The following HECTD4 variants were observed in gnomAD, a reference collection of about 807,000 sequenced individuals.
HECTD4 encodes the protein HECT domain E3 ubiquitin protein ligase 4, also known as probable E3 ubiquitin-protein ligase HECTD4.
HECTD4 carries 114 observed loss-of-function variants against 471.5 expected under a neutral mutation model. The observed-to-expected ratio is 0.24, with a 90% CI of 0.21 to 0.28. The LOEUF is 0.28. Ranked by LOEUF, HECTD4 falls within the 10% of genes least tolerant of loss-of-function variation. The pLI is 1.00. For synonymous variants in HECTD4, 2,012 were observed against 2,256.0 expected (o/e 0.89, Z 3.07); for missense variants, 3,866 against 5,651.5 (o/e 0.68, Z 10.13).
rs372362542 is a variant in HECTD4, at chr12:112,283,098, A to G, written c.1528+12T>C. ...ACAAGGAAACAGATCTGGGAAGCAC[A>G]GAGTAACATACCTGCTTGATCCTCT... On this transcript the variant is annotated intron_variant, in intron 8 of 75. Transcript: ENST00000682272. The G allele has an allele frequency of 6.2e-6, 10 of 1,607,004 alleles. No individual in the cohort carries two copies. The highest frequency in any genetic ancestry group is 8.5e-6 in the Non-Finnish European group (10 of 1,175,678).
At chr12:112,314,680 G>A in intron 2 of HECTD4, 134 bp from the exon 3 acceptor site, 1 of 606,600 alleles carries the variant, frequency 1.6e-6, no homozygotes, top group Middle Eastern at 4.2e-4. Flanking sequence ...CAGATGATGT[G>A]TTGTAAAAAA....
At chr12:112,219,640 C>A in intron 44 of HECTD4, 151 bp from the exon 45 acceptor site, 1 of 529,852 alleles carries the variant, frequency 1.9e-6, no homozygotes, top group African/African-American at 2.0e-5. Flanking sequence ...CGTTCTATTG[C>A]CCAGGCTGGA....
chr12:112,252,286 T>C (rs916861215), intron 23 of HECTD4, 138 bp downstream of exon 23: 11 of 793,774 alleles, frequency 1.4e-5, no homozygotes, highest in Non-Finnish European at 1.9e-5. Flanking sequence ...CTGCTAGTAG[T>C]TGACTAGTGC....
chr12:112,298,654 C>T (rs1429844708), intron 7 of HECTD4, among the ~76,000 whole-genome samples: 5 of 151,426 alleles, frequency 3.3e-5, no homozygotes, highest in East Asian at 1.9e-4. Context: ...AGGTCAAGCC[C>T]GGTGGATCAC....
At chr12:112,373,979 A>G (rs7296050) in intron 1 of HECTD4, among the ~76,000 whole-genome samples, 23,102 of 147,654 alleles carry the variant, frequency 0.16, 2,397 homozygotes, top group African/African-American at 0.3. Flanking sequence ...GCTCCAGCCT[A>G]GGTGACAGAA....
rs1322670990 is a variant in HECTD4, at chr12:112,175,682, C to A, written c.11594+54G>T. On this transcript the variant is annotated intron_variant, in intron 66 of 75. Transcript: ENST00000682272. ...AGCTCCTCAGAAATTATGCTCTTGG[C>A]TGAAAACAATTTCTATGCAAGGTGC... 4.4e-6 allele frequency: 7 copies of A among 1,581,966 alleles called. No homozygotes were observed. In the South Asian group the frequency reaches 8.0e-5, roughly 18 times the overall value.
Position 112,252,490 on chromosome 12 carries a change from T to G in HECTD4, c.3486A>C (p.Arg1162Ser). Residue 1162 changes from arginine to serine, a missense_variant, in exon 23 of 76, where the codon AGA becomes AGC. Around this residue, in one of 16 missense-constraint regions of HECTD4, gnomAD observed 281 missense variants for 499.9 expected, o/e 0.56. Transcript: ENST00000682272. ...CAGGAGTGTTGTGTTCACGGCCACT[T>G]CTCATTTCAAAGGAGAAGGTGACTG... ...GDTVTFSFEM[R>S]SGREHNTPDK... 6.2e-7 allele frequency: 1 copy of G among 1,613,276 alleles called. No homozygotes were observed. Among genetic ancestry groups the G allele is most frequent in the Non-Finnish European group, 8.5e-7 (1 of 1,179,576 alleles).
intron 1 of HECTD4, among the ~76,000 whole-genome samples, chr12:112,367,820 CAAAAAAA>C (rs59590181): frequency 1.6e-4 from 2 of 12,574 alleles, no homozygotes; most frequent in Admixed American, 2.8e-3. Flanking sequence ...GACTCCATCT[CAAAAAAA>C]AAAAAAAAAA....
chr12:112,306,815 G>T (rs2035279106), intron 6 of HECTD4, among the ~76,000 whole-genome samples: 1 of 152,036 alleles, frequency 6.6e-6, no homozygotes, highest in Non-Finnish European at 1.5e-5. Flanking sequence ...GCCCATGACA[G>T]ATCCTAACTT....
In HECTD4 at chr12:112,220,936, G is replaced by C. The variant is rs185425598; in HGVS notation, c.6971-1447C>G. The stretch of plus-strand genomic sequence containing the variant: ...TTGAGACCAGCCTGGGAGACATAGT[G>C]AGACCCCGTCTCTACAAATTTTTAT... On this transcript the variant is annotated intron_variant, in intron 44 of 75. Transcript: ENST00000682272. Among the ~76,000 whole-genome samples the C allele has an allele frequency of 3.0e-3, 463 of 152,266 alleles. 1 individual carries two copies. Among genetic ancestry groups the C allele is most frequent in the South Asian group, 4.6e-3 (22 of 4,826 alleles).
chr12:112,305,147 A>G (rs2035248472), intron 7 of HECTD4, among the ~76,000 whole-genome samples: 1 of 152,242 alleles, frequency 6.6e-6, no homozygotes, highest in Non-Finnish European at 1.5e-5. Context: ...GCCACTAGCC[A>G]TATGGCTACT....
At chr12:112,200,856 C>CGTGCGTGCGTGTGTGT in intron 54 of HECTD4, 58 bp from the exon 55 acceptor site, 1 of 1,484,440 alleles carries the variant, frequency 6.7e-7, no homozygotes. Context: ...TCCATGTGTG[C>CGTGCGTGCGTGTGTGT]GTGCGTGCGT....
In HECTD4 at chr12:112,179,055, G is replaced by A. The variant is rs754420657; in HGVS notation, c.11239C>T (p.Pro3747Ser). The change falls in exon 64 of 76, where the codon CCC becomes TCC. Residue 3747 changes from proline to serine, a missense_variant. By Grantham distance (74) the Pro-to-Ser change is moderately conservative. Around this residue, in one of 16 missense-constraint regions of HECTD4, gnomAD observed 715 missense variants for 1,087.6 expected, o/e 0.66. Coordinates refer to ENST00000682272, the MANE Select transcript of HECTD4 (RefSeq NM_001388303.1). This position sits in a 1 kb window ranked among gnomAD's most constrained non-coding sequence, Gnocchi z 4.3. ...CTGTACTTGCTCTTGTCAAACTTGG[G>A]CTTTGGCACGCCATACTTCCTCAGG... The part of the protein sequence containing the change: ...QILRKYGVPK[P>S]KFDKSKYSKA... 6.2e-7 allele frequency: 1 copy of A among 1,613,970 alleles called. No individual in the cohort carries two copies. The highest frequency in any genetic ancestry group is 8.5e-7 in the Non-Finnish European group (1 of 1,179,894).
intron 17 of HECTD4, chr12:112,262,038 C>T (rs1328724601): frequency 2.6e-5 from 4 of 152,096 alleles, no homozygotes; most frequent in African/African-American, 9.7e-5. Flanking sequence ...CGTGGGAGTA[C>T]AAATACTAAA....
chr12:112,289,485 T>C (rs2034829269), intron 7 of HECTD4, among the ~76,000 whole-genome samples: 1 of 152,126 alleles, frequency 6.6e-6, no homozygotes, highest in Non-Finnish European at 1.5e-5. Flanking sequence ...TACCAAGAGA[T>C]CTATTTGGTA....
intron 53 of HECTD4, among the ~76,000 whole-genome samples, chr12:112,204,156 C>T (rs1300433147): frequency 6.6e-6 from 1 of 152,234 alleles, no homozygotes; most frequent in Non-Finnish European, 1.5e-5. Flanking sequence ...GATTCTCCTG[C>T]CTCAGCCTCT....
intron 1 of HECTD4, among the ~76,000 whole-genome samples, chr12:112,333,798 A>T (rs2035887672): frequency 6.6e-6 from 1 of 152,246 alleles, no homozygotes; most frequent in Non-Finnish European, 1.5e-5. Flanking sequence ...ATGTTGGCAA[A>T]CCAATTCATT....
intron 1 of HECTD4, among the ~76,000 whole-genome samples, chr12:112,351,110 C>T (rs1422030891): frequency 1.3e-5 from 2 of 152,112 alleles, no homozygotes; most frequent in Admixed American, 6.6e-5. Flanking sequence ...GTTTATTTCC[C>T]ATGTCTTGCA....
chr12:112,323,440 T>C (rs2035625304), intron 1 of HECTD4, among the ~76,000 whole-genome samples: 1 of 152,142 alleles, frequency 6.6e-6, no homozygotes, highest in African/African-American at 2.4e-5. Context: ...AGATCTGATG[T>C]AATATCAGGA....
Sources: gnomAD v4.1 joint callset for allele counts (sites outside exome capture counted in the v4.1 genomes callset) on GRCh38, gnomAD v4.1.1 for gene constraint, gnomAD v4.1.1 regional missense constraint, Gnocchi (gnomAD v3.1) non-coding constraint, MANE v1.5 for transcripts, NCBI Gene and HGNC (gene_info 2026-07-23, HGNC 2026-07-21) for gene names.